The following LAMA2 variants were observed in gnomAD, a reference collection of about 807,000 sequenced individuals.
LAMA2 encodes laminin subunit alpha-2.
In LAMA2, 269 loss-of-function variants were observed where a neutral mutation model predicts 364.8. That is an observed-to-expected ratio of 0.74 (90% CI 0.67 to 0.82). LAMA2 has a LOEUF of 0.82. Among genes scored for constraint, LAMA2 ranks in the 40% least tolerant of loss-of-function variants. The pLI is 0.00. For missense variants in LAMA2, 3,807 were observed against 3,873.2 expected (o/e 0.98, Z 0.45); for synonymous variants, 1,379 against 1,370.6 (o/e 1.01, Z -0.14).
intron 12 of LAMA2, among the ~76,000 whole-genome samples, chr6:129,239,316 C>T (rs1785235550): frequency 6.6e-6 from 1 of 152,170 alleles, no homozygotes; most frequent in Admixed American, 6.5e-5. Flanking sequence ...TTCCACTATG[C>T]TATACCATCT....
At chr6:129,467,609 G>A (rs1394188755) in intron 51 of LAMA2, among the ~76,000 whole-genome samples, 1 of 151,736 alleles carries the variant, frequency 6.6e-6, no homozygotes, top group Admixed American at 6.6e-5. Context: ...GTAGATGTAC[G>A]GTATAACAAA....
chr6:129,328,693 C>A (rs1775449404), intron 29 of LAMA2, among the ~76,000 whole-genome samples: 1 of 151,926 alleles, frequency 6.6e-6, no homozygotes, highest in African/African-American at 2.4e-5. Flanking sequence ...GCCTTTTTTT[C>A]TGATTATTTT....
chr6:129,052,033 A>G (rs902532951), intron 2 of LAMA2, among the ~76,000 whole-genome samples: 2 of 151,646 alleles, frequency 1.3e-5, no homozygotes, highest in African/African-American at 4.8e-5. Flanking sequence ...AGAGAGAGAA[A>G]GGAGGTAATA....
At chr6:129,312,835 G>T in intron 22 of LAMA2, 26 bp from the exon 23 acceptor site, 1 of 1,486,618 alleles carries the variant, frequency 6.7e-7, no homozygotes, top group Non-Finnish European at 9.4e-7. Context: ...TTGTGTTAAT[G>T]GTTGCTGTTT....
At chr6:129,167,860 C>T (rs1398042325) in intron 9 of LAMA2, among the ~76,000 whole-genome samples, 4 of 150,644 alleles carry the variant, frequency 2.7e-5, no homozygotes, top group Non-Finnish European at 5.9e-5. Context: ...GCCATTCTAA[C>T]TGGTGTGAGA....
intron 16 of LAMA2, 91 bp from the exon 17 acceptor site, chr6:129,270,533 G>T: frequency 7.9e-7 from 1 of 1,265,226 alleles, no homozygotes; most frequent in South Asian, 1.2e-5. Flanking sequence ...TGCTGGCAGG[G>T]AGCAGACTAA....
At chr6:129,390,468 T>A (rs1433508845) in intron 35 of LAMA2, among the ~76,000 whole-genome samples, 1 of 152,046 alleles carries the variant, frequency 6.6e-6, no homozygotes, top group Non-Finnish European at 1.5e-5. Context: ...TTTTCAGGAA[T>A]CTCTATGTCA....
At chr6:129,158,605 A>G (rs773673835) in intron 8 of LAMA2, 51 of 1,614,106 alleles carry the variant, frequency 3.2e-5, no homozygotes, top group African/African-American at 4.0e-5. Flanking sequence ...TAACAAAAGC[A>G]GCTGGAGAAG....
At chr6:129,097,382 ATTTC>A (rs1775249579) in intron 3 of LAMA2, among the ~76,000 whole-genome samples, 1 of 152,152 alleles carries the variant, frequency 6.6e-6, no homozygotes, top group Admixed American at 6.5e-5. Flanking sequence ...CATCTAGAAT[ATTTC>A]TTTTTTTACG....
intron 17 of LAMA2, among the ~76,000 whole-genome samples, chr6:129,274,265 C>T (rs1036177122): frequency 1.3e-5 from 2 of 151,398 alleles, no homozygotes; most frequent in African/African-American, 4.8e-5. Context: ...AATCACTAAA[C>T]AAGACACTTA....
chr6:129,357,407 A>G (rs1777207305), intron 32 of LAMA2, among the ~76,000 whole-genome samples: 2 of 152,036 alleles, frequency 1.3e-5, no homozygotes, highest in East Asian at 3.8e-4. Context: ...GCATTTTATA[A>G]ATATCAAATT....
At chr6:129,344,089 A>G (rs1484064428) in intron 30 of LAMA2, among the ~76,000 whole-genome samples, 1 of 152,208 alleles carries the variant, frequency 6.6e-6, no homozygotes. Context: ...TCTATGTAAT[A>G]AGGAAACACT....
At chr6:128,978,973 G>A (rs531068704) in intron 1 of LAMA2, among the ~76,000 whole-genome samples, 3 of 152,286 alleles carry the variant, frequency 2.0e-5, no homozygotes, top group African/African-American at 7.2e-5. Flanking sequence ...CAAAGATGAA[G>A]GGAAAGAGTT....
At chr6:129,298,912 A>G (rs1426475522) in intron 21 of LAMA2, among the ~76,000 whole-genome samples, 1 of 152,178 alleles carries the variant, frequency 6.6e-6, no homozygotes, top group African/African-American at 2.4e-5. Flanking sequence ...CTAAGCCAAT[A>G]TCTGTATAAC....
intron 1 of LAMA2, among the ~76,000 whole-genome samples, chr6:128,926,304 T>C (rs1273149557): frequency 1.3e-5 from 2 of 152,146 alleles, no homozygotes; most frequent in African/African-American, 4.8e-5. Context: ...GGTTAGAGTA[T>C]GAATACCAAC....
chr6:129,179,920 T>C (rs1780831884), intron 10 of LAMA2, among the ~76,000 whole-genome samples: 1 of 152,148 alleles, frequency 6.6e-6, no homozygotes, highest in African/African-American at 2.4e-5. Flanking sequence ...ATGAGTTATA[T>C]CAAAATGTGC....
intron 17 of LAMA2, among the ~76,000 whole-genome samples, chr6:129,275,923 T>G (rs1788291473): frequency 6.6e-6 from 1 of 152,022 alleles, no homozygotes; most frequent in South Asian, 2.1e-4. Flanking sequence ...CAAGTCTAAT[T>G]AAGAAATGCA....
At chr6:129,497,607 C>CTAT (rs1785290964) in intron 58 of LAMA2, among the ~76,000 whole-genome samples, 2 of 152,256 alleles carry the variant, frequency 1.3e-5, no homozygotes, top group South Asian at 2.1e-4. Context: ...TGAGAACTGC[C>CTAT]TATTTATGAG....
intron 4 of LAMA2, among the ~76,000 whole-genome samples, chr6:129,099,095 T>G (rs1431833120): frequency 6.6e-6 from 1 of 151,070 alleles, no homozygotes; most frequent in East Asian, 1.9e-4. Context: ...GTTTATTAGT[T>G]GTATGTGGGG....
Sources: gnomAD v4.1 joint callset for allele counts (sites outside exome capture counted in the v4.1 genomes callset) on GRCh38, gnomAD v4.1.1 for gene constraint, MANE v1.5 for transcripts, NCBI Gene and HGNC (gene_info 2026-07-23, HGNC 2026-07-21) for gene names.